Variants in DEPTOR observed in about 807,000 individuals in gnomAD.
The protein encoded by DEPTOR is DEP domain containing MTOR interacting protein, also known as DEP domain-containing mTOR-interacting protein.
DEPTOR carries 41 observed loss-of-function variants against 41.6 expected under a neutral mutation model. That is an observed-to-expected ratio of 0.98 (90% confidence interval 0.77 to 1.28). DEPTOR has a LOEUF of 1.28. Ranked by LOEUF, DEPTOR falls within the 50% of genes most tolerant of loss-of-function variation. The probability of loss-of-function intolerance (pLI) is 0.00; values close to 1 mark genes in which losing one functional copy is unlikely to be tolerated. For synonymous variants in DEPTOR, 195 were observed against 192.3 expected (o/e 1.01, Z -0.12); for missense variants, 514 against 527.9 (o/e 0.97, Z 0.26).
chr8:119,964,895 G>A (rs973178245), intron 3 of DEPTOR, among the ~76,000 whole-genome samples: 2 of 152,048 alleles, frequency 1.3e-5, no homozygotes, highest in African/African-American at 2.4e-5. Flanking sequence ...CCAACATGGA[G>A]AAAACCTGTC....
At chr8:120,016,843 A>G (rs1161364308) in intron 8 of DEPTOR, among the ~76,000 whole-genome samples, 2 of 152,076 alleles carry the variant, frequency 1.3e-5, no homozygotes, top group Admixed American at 6.6e-5. Context: ...ACCTCAAGTG[A>G]TCTGCCCACC....
intron 8 of DEPTOR, among the ~76,000 whole-genome samples, chr8:120,014,476 CTT>C (rs1430609913): frequency 1.3e-5 from 2 of 152,120 alleles, no homozygotes; most frequent in African/African-American, 4.8e-5. Context: ...AAATCTGTCT[CTT>C]ATCTCTTTGC....
chr8:119,987,024 A>C (rs1259019164), intron 4 of DEPTOR, among the ~76,000 whole-genome samples: 1 of 151,794 alleles, frequency 6.6e-6, no homozygotes, highest in East Asian at 1.9e-4. Context: ...TCTGAAGCCT[A>C]CTTCTGTCAA....
intron 4 of DEPTOR, among the ~76,000 whole-genome samples, chr8:120,000,381 A>G (rs1296040191): frequency 6.6e-6 from 1 of 152,104 alleles, no homozygotes; most frequent in Non-Finnish European, 1.5e-5. Flanking sequence ...TGGACATTCC[A>G]TATGAATGGA....
At chr8:119,995,622 A>G (rs1812248937) in intron 4 of DEPTOR, among the ~76,000 whole-genome samples, 1 of 151,964 alleles carries the variant, frequency 6.6e-6, no homozygotes, top group Non-Finnish European at 1.5e-5. Flanking sequence ...AGAAAAAGAA[A>G]TTTCTCAAAG....
chr8:119,998,595 T>C (rs1166860137), intron 4 of DEPTOR, among the ~76,000 whole-genome samples: 3 of 152,154 alleles, frequency 2.0e-5, no homozygotes, highest in Non-Finnish European at 4.4e-5. Flanking sequence ...TCCAGGAACA[T>C]GGCTTTTGGG....
At chr8:119,961,913 C>T (rs746049787) in intron 3 of DEPTOR, among the ~76,000 whole-genome samples, 3 of 151,842 alleles carry the variant, frequency 2.0e-5, no homozygotes, top group East Asian at 1.9e-4. Context: ...ACACAATGAC[C>T]GTGACATTTT....
At chr8:119,949,663 G>A (rs183965625) in intron 3 of DEPTOR, among the ~76,000 whole-genome samples, 5 of 151,978 alleles carry the variant, frequency 3.3e-5, no homozygotes, top group African/African-American at 1.2e-4. Context: ...AGTTTATTCA[G>A]ATCATTTGCC....
chr8:119,976,446 T>A (rs1828697515), intron 4 of DEPTOR, among the ~76,000 whole-genome samples: 1 of 152,140 alleles, frequency 6.6e-6, no homozygotes, highest in Non-Finnish European at 1.5e-5. Context: ...AAGTGACCAC[T>A]TACTGAGGAC....
intron 4 of DEPTOR, among the ~76,000 whole-genome samples, chr8:119,985,708 A>G (rs1431965669): frequency 1.3e-5 from 2 of 152,000 alleles, no homozygotes; most frequent in African/African-American, 4.8e-5. Flanking sequence ...TATTTAGGAC[A>G]GTTAGCTCTT....
At chr8:120,010,062 T>C (rs1164980602) in intron 8 of DEPTOR, among the ~76,000 whole-genome samples, 2 of 152,150 alleles carry the variant, frequency 1.3e-5, no homozygotes, top group Non-Finnish European at 2.9e-5. Flanking sequence ...ACAAAAACCA[T>C]GAACTTTGGC....
chr8:119,890,116 C>A (rs981362153), intron 1 of DEPTOR, among the ~76,000 whole-genome samples: 1 of 151,948 alleles, frequency 6.6e-6, no homozygotes, highest in African/African-American at 2.4e-5. Flanking sequence ...GGGCATGGGC[C>A]GCTACACCCA....
At chr8:119,924,334 C>T (rs1827936782) in intron 1 of DEPTOR, among the ~76,000 whole-genome samples, 1 of 151,890 alleles carries the variant, frequency 6.6e-6, no homozygotes, top group African/African-American at 2.4e-5. Context: ...TCATCTCCTT[C>T]ATTGCACCTA....
intron 3 of DEPTOR, among the ~76,000 whole-genome samples, chr8:119,950,624 T>G (rs1056908223): frequency 6.6e-6 from 1 of 152,048 alleles, no homozygotes; most frequent in Non-Finnish European, 1.5e-5. Context: ...TGAGATGGAA[T>G]CTCTCTCTGT....
At position 119,977,114 on chromosome 8, in the gene DEPTOR, C is replaced by T. The variant is rs908740984; in HGVS notation, c.604+11704C>T. Among the ~76,000 whole-genome samples the T allele has an allele frequency of 4.7e-4, 71 of 152,268 alleles. 1 individual carries two copies. The highest frequency in any genetic ancestry group is 6.8e-3 in the Middle Eastern group (2 of 294). On this transcript the variant is annotated intron_variant, in intron 4 of 8. Transcript: ENST00000286234. ...CTCCCGGGTTGTAGCGATTCTCCTG[C>T]CTCAGCTTCCCAAGTAGCTAGAATT...
intron 8 of DEPTOR, among the ~76,000 whole-genome samples, chr8:120,032,812 A>G (rs928092863): frequency 1.3e-5 from 2 of 152,214 alleles, no homozygotes; most frequent in Admixed American, 6.5e-5. Context: ...TTTCTGGCCA[A>G]CTTGAATCTG....
intron 8 of DEPTOR, among the ~76,000 whole-genome samples, chr8:120,024,935 A>G (rs1439100156): frequency 6.6e-6 from 1 of 152,196 alleles, no homozygotes; most frequent in East Asian, 1.9e-4. Flanking sequence ...GGAGAAACCA[A>G]TAGTTTCTGT....
chr8:119,913,051 G>C (rs1320202921), intron 1 of DEPTOR, among the ~76,000 whole-genome samples: 2 of 152,110 alleles, frequency 1.3e-5, no homozygotes, highest in African/African-American at 4.8e-5. Context: ...TTCCCGAGTA[G>C]CTGGGATTAC....
intron 1 of DEPTOR, among the ~76,000 whole-genome samples, chr8:119,913,457 G>T (rs1827770383): frequency 6.6e-6 from 1 of 152,180 alleles, no homozygotes. Context: ...GAACTACAGG[G>T]TGTATGGCAT....
Sources: allele counts gnomAD v4.1 joint callset (sites outside exome capture counted in the v4.1 genomes callset), GRCh38; gene constraint gnomAD v4.1.1; transcripts MANE v1.5; gene names NCBI Gene and HGNC (gene_info 2026-07-23, HGNC 2026-07-21).